TCF3: variants seen among roughly 807,000 people sequenced by gnomAD.
TCF3 encodes the protein transcription factor 3.
Under a neutral mutation model 72.3 loss-of-function variants are expected in TCF3, and 54 were observed. That is an observed-to-expected ratio of 0.75 (90% CI 0.60 to 0.94). TCF3 has a LOEUF of 0.94. Ranked by LOEUF, TCF3 falls within the 40% of genes least tolerant of loss-of-function variation. TCF3 has a pLI of 0.00. For missense variants in TCF3, 1,078 were observed against 934.4 expected, an observed-to-expected ratio of 1.15 and a Z score of -2.00; for synonymous variants, 525 against 412.6, an observed-to-expected ratio of 1.27 and a Z score of -3.30.
At chr19:1,641,117 G>A (rs1445141641) in intron 3 of TCF3, among the ~76,000 whole-genome samples, 1 of 145,430 alleles carries the variant, frequency 6.9e-6, no homozygotes, top group African/African-American at 2.6e-5. Flanking sequence ...AGCTGAGATC[G>A]TGCCACTGCA....
chr19:1,637,256 C>G (rs564159878), intron 3 of TCF3, among the ~76,000 whole-genome samples: 18 of 151,974 alleles, frequency 1.2e-4, no homozygotes, highest in African/African-American at 3.4e-4. Context: ...CCACCAGAAC[C>G]GAGGACGCCT....
At chr19:1,648,421 C>T (rs939745819) in intron 2 of TCF3, among the ~76,000 whole-genome samples, 4 of 152,160 alleles carry the variant, frequency 2.6e-5, no homozygotes, top group African/African-American at 4.8e-5. Flanking sequence ...GGAACGGCTC[C>T]GACCCGGGAT....
intron 18 of TCF3, chr19:1,612,168 G>T: frequency 6.5e-7 from 1 of 1,531,830 alleles, no homozygotes. Flanking sequence ...GTGTGGGGAA[G>T]GGAGAGGGTG....
intron 6 of TCF3, 141 bp downstream of exon 6, chr19:1,627,218 C>CCCA: frequency 7.3e-6 from 4 of 546,736 alleles, no homozygotes; most frequent in Non-Finnish European, 9.5e-6. Context: ...CCAGCCCACC[C>CCCA]TGGCCCAAGC....
intron 18 of TCF3, chr19:1,612,081 T>G: frequency 9.8e-7 from 1 of 1,022,724 alleles, no homozygotes; most frequent in Non-Finnish European, 1.4e-6. Flanking sequence ...TCACTGGGTC[T>G]GAGTCCAGCC....
chr19:1,627,378 C>G lies in TCF3; in HGVS notation c.347G>C (p.Gly116Ala). The change falls in exon 6 of 19, where the codon GGC becomes GCC. Residue 116 changes from glycine to alanine, a missense_variant. Transcript: ENST00000262965. ...CCTCACCTGAGTCAGGCCGCCCACG[C>G]CTGCGTCTCTCCCGAAGGAGGCATA... ...GAYASFGRDA[G>A]VGGLTQAGFL... is the part of the protein sequence containing the mutation. 4 of 1,611,292 alleles carry G rather than the reference C, an allele frequency of 2.5e-6. No individual in the cohort carries two copies. The highest frequency in any genetic ancestry group is 3.4e-6 in the Non-Finnish European group (4 of 1,179,534).
At chr19:1,619,266 G>C in intron 15 of TCF3, 32 bp from the exon 16 acceptor site, 2 of 1,575,424 alleles carry the variant, frequency 1.3e-6, no homozygotes, top group Non-Finnish European at 1.7e-6. Context: ...TGCATCAGGG[G>C]GAGCCGGGTC....
intron 7 of TCF3, 69 bp from the exon 8 acceptor site, chr19:1,624,069 G>A (rs1395566432): frequency 6.7e-6 from 10 of 1,493,620 alleles, no homozygotes; most frequent in African/African-American, 5.6e-5. Flanking sequence ...ACACCCTGGA[G>A]GAGAGACCCT....
At chr19:1,629,437 G>A (rs1315574566) in intron 5 of TCF3, among the ~76,000 whole-genome samples, 2 of 152,148 alleles carry the variant, frequency 1.3e-5, no homozygotes, top group African/African-American at 4.8e-5. Context: ...CAGTGACAAA[G>A]GACAGGTGAG....
At chr19:1,650,574 C>G in intron 1 of TCF3, 1 of 328,376 alleles carries the variant, frequency 3.0e-6, no homozygotes, top group East Asian at 4.6e-5. Flanking sequence ...CCAGGGAACA[C>G]CAGGGCATCA....
chr19:1,619,543 C>T, intron 14 of TCF3, 69 bp from the exon 15 acceptor site: 1 of 1,510,646 alleles, frequency 6.6e-7, no homozygotes, highest in Non-Finnish European at 8.8e-7. Flanking sequence ...ATTCATGTCC[C>T]TTCCGCATGC....
intron 3 of TCF3, among the ~76,000 whole-genome samples, chr19:1,643,489 G>A (rs1242877326): frequency 6.6e-6 from 1 of 152,114 alleles, no homozygotes; most frequent in East Asian, 1.9e-4. Flanking sequence ...CCAAAGTGCT[G>A]GGATTATAGG....
At chr19:1,621,809 A>T in intron 11 of TCF3, 29 bp downstream of exon 11, 1 of 1,559,144 alleles carries the variant, frequency 6.4e-7, no homozygotes, top group Non-Finnish European at 8.7e-7. Context: ...GTCCCCTCGG[A>T]GAGGCCGCAT....
intron 5 of TCF3, among the ~76,000 whole-genome samples, chr19:1,631,321 G>A (rs1257640205): frequency 4.0e-5 from 6 of 151,306 alleles, no homozygotes; most frequent in African/African-American, 9.7e-5. Flanking sequence ...CAGGCTGGAG[G>A]GCAATGGCGT....
At chr19:1,620,895 A>G in intron 13 of TCF3, 73 bp downstream of exon 13, 4 of 1,312,436 alleles carry the variant, frequency 3.0e-6, no homozygotes, top group Non-Finnish European at 4.0e-6. Context: ...CAAAGCCTTC[A>G]CAGACCTCAG....
rs183693242 is a variant in TCF3, at chr19:1,611,046, G to C, written c.*661C>G. 4.4e-5 allele frequency: 10 copies of C among 228,188 alleles called. No individual in the cohort carries two copies. The highest frequency in any genetic ancestry group is 1.3e-4 in the African/African-American group (6 of 44,674). The allele number at this position is 228,188 out of a possible 1,614,324, so 14.1% of individuals were successfully genotyped here. On this transcript the variant is annotated 3_prime_UTR_variant, in exon 19 of 19. Transcript: ENST00000262965. ...AGGAACAGCAGCAGAAATAGCGAGAGACACGGGACTTTTATACAAAAAAAT... is the reference window on the plus strand; with the variant it reads ...AGGAACAGCAGCAGAAATAGCGAGACACACGGGACTTTTATACAAAAAAAT...
chr19:1,619,011 G>GACC lies in TCF3; in HGVS notation c.1450+99_1450+100insGGT, dbSNP rs137931266. 4,200 of 1,557,248 alleles carry GACC rather than the reference G, an allele frequency of 2.7e-3. 100 individuals are homozygous for GACC. In the African/African-American group the frequency reaches 0.051, roughly 19 times the overall value. ...CCATGTCACCAGGTGCCCCCACGGT[G>GACC]ACACCTGCCCTGGGCTCCCACCCTG... On this transcript the variant is annotated intron_variant, in intron 16 of 18. Coordinates refer to ENST00000262965, the MANE Select transcript of TCF3 (RefSeq NM_003200.5).
chr19:1,614,454 G>A lies in TCF3; in HGVS notation c.1822+831C>T, dbSNP rs113077381. On this transcript the variant is annotated intron_variant, in intron 18 of 18. Coordinates refer to ENST00000262965, the MANE Select transcript of TCF3 (RefSeq NM_003200.5). This position sits in a 1 kb window ranked among gnomAD's most constrained non-coding sequence, Gnocchi z 5.6. Reference sequence around the variant, plus strand: ...GGGCTGCCACGGGAAGCAGAGGGACGGACGGGCGGGATGGAGGGGAGGGCG... The same window carrying A: ...GGGCTGCCACGGGAAGCAGAGGGACAGACGGGCGGGATGGAGGGGAGGGCG... 0.015 allele frequency among the ~76,000 whole-genome samples: 2,303 copies of A among 152,314 alleles called. 61 individuals carry two copies. The highest frequency in any genetic ancestry group is 0.052 in the African/African-American group (2,170 of 41,550).
intron 3 of TCF3, among the ~76,000 whole-genome samples, chr19:1,642,040 G>C (rs2065318220): frequency 6.6e-6 from 1 of 151,114 alleles, no homozygotes; most frequent in South Asian, 2.1e-4. Context: ...GTGAGACCTG[G>C]TCCCTAAAAA....
Sources: gnomAD v4.1 joint callset for allele counts (sites outside exome capture counted in the v4.1 genomes callset) on GRCh38, gnomAD v4.1.1 for gene constraint, Gnocchi (gnomAD v3.1) non-coding constraint, MANE v1.5 for transcripts, NCBI Gene and HGNC (gene_info 2026-07-23, HGNC 2026-07-21) for gene names.